DPF3: variants seen among roughly 807,000 people sequenced by gnomAD.
DPF3 encodes zinc finger protein DPF3.
DPF3 carries 18 observed loss-of-function variants against 56.8 expected under a neutral mutation model. The ratio of observed to expected loss-of-function variants is 0.32; its 90% CI spans 0.22 to 0.47. The LOEUF is 0.47. Ranked by LOEUF, DPF3 falls within the 20% of genes least tolerant of loss-of-function variation. The probability of loss-of-function intolerance (pLI) is 1.00; values close to 1 mark genes in which losing one functional copy is unlikely to be tolerated. For missense variants in DPF3, 403 were observed against 488.8 expected (o/e 0.82, Z 1.65); for synonymous variants, 188 against 180.2 (o/e 1.04, Z -0.35).
At chr14:72,681,188 C>A (rs943360629) in intron 7 of DPF3, among the ~76,000 whole-genome samples, 16 of 152,140 alleles carry the variant, frequency 1.1e-4, no homozygotes, top group Admixed American at 2.0e-4. Flanking sequence ...GAAAAAAAAT[C>A]TGCCAGGCAA....
chr14:72,626,075 G>C (rs964031941), intron 9 of DPF3, among the ~76,000 whole-genome samples: 8 of 152,118 alleles, frequency 5.3e-5, no homozygotes, highest in Non-Finnish European at 1.2e-4. Flanking sequence ...CTTCGGTATA[G>C]TTACATTATC....
At chr14:72,715,239 A>C (rs1888864670) in intron 5 of DPF3, among the ~76,000 whole-genome samples, 1 of 152,170 alleles carries the variant, frequency 6.6e-6, no homozygotes, top group South Asian at 2.1e-4. Context: ...CCCTGTGTGA[A>C]TCTCCCAGGG....
chr14:72,797,689 TC>T (rs746593994), intron 1 of DPF3, among the ~76,000 whole-genome samples: 18 of 152,176 alleles, frequency 1.2e-4, no homozygotes, highest in Non-Finnish European at 2.4e-4. Context: ...CTAGCCAACA[TC>T]CTTTTCCACA....
intron 8 of DPF3, among the ~76,000 whole-genome samples, chr14:72,663,807 C>G (rs745927046): frequency 2.0e-5 from 3 of 152,072 alleles, no homozygotes; most frequent in Non-Finnish European, 2.9e-5. Flanking sequence ...AGCTCAAAAG[C>G]AAATGAGCAG....
intron 1 of DPF3, among the ~76,000 whole-genome samples, chr14:72,880,559 T>A (rs1421403980): frequency 6.6e-6 from 1 of 152,106 alleles, no homozygotes; most frequent in East Asian, 1.9e-4. Context: ...TAGAAAGGCA[T>A]TGTTTTTTGT....
At chr14:72,781,492 C>G (rs938304065) in intron 1 of DPF3, among the ~76,000 whole-genome samples, 3 of 152,192 alleles carry the variant, frequency 2.0e-5, no homozygotes, top group African/African-American at 7.2e-5. Context: ...CCCAATAAAT[C>G]CCTTTTCCAG....
rs1236472743 is a variant in DPF3, at chr14:72,749,896, G to A, written c.301+3368C>T. Among the ~76,000 whole-genome samples, 4 of 151,406 alleles carry A rather than the reference G, an allele frequency of 2.6e-5. No individual in the cohort carries two copies. The East Asian group carries it at 7.7e-4, about 29-fold the overall frequency. Reference sequence around the variant, plus strand: ...AAAAAAAGTAAGAAAGAGAGAGAGAGGTAAAGAGAGACATGTAGCCCTCAC... The same window carrying A: ...AAAAAAAGTAAGAAAGAGAGAGAGAAGTAAAGAGAGACATGTAGCCCTCAC... On this transcript the variant is annotated intron_variant, in intron 3 of 10. Transcript: ENST00000556509.
At chr14:72,812,571 G>A (rs1009241870) in intron 1 of DPF3, among the ~76,000 whole-genome samples, 3 of 152,122 alleles carry the variant, frequency 2.0e-5, no homozygotes, top group Non-Finnish European at 2.9e-5. Flanking sequence ...CACCTGAGCT[G>A]CACCTCAGGA....
At chr14:72,816,641 G>GA (rs371902823) in intron 1 of DPF3, among the ~76,000 whole-genome samples, 1,643 of 137,956 alleles carry the variant, frequency 0.012, 21 homozygotes, top group African/African-American at 0.037. Context: ...GGCATAAATG[G>GA]AAAAAAAAAA....
chr14:72,783,847 T>C (rs1892093929), intron 1 of DPF3, among the ~76,000 whole-genome samples: 1 of 152,114 alleles, frequency 6.6e-6, no homozygotes, highest in East Asian at 1.9e-4. Context: ...AGCTGATCCG[T>C]GTCCTCCTGC....
chr14:72,778,347 C>T (rs1891835090), intron 1 of DPF3, among the ~76,000 whole-genome samples: 1 of 152,126 alleles, frequency 6.6e-6, no homozygotes, highest in South Asian at 2.1e-4. Context: ...AGCGCAAACC[C>T]TACTGTGAAC....
At chr14:72,687,298 A>AT (rs1887455518) in intron 7 of DPF3, among the ~76,000 whole-genome samples, 1 of 152,174 alleles carries the variant, frequency 6.6e-6, no homozygotes, top group South Asian at 2.1e-4. Flanking sequence ...CTGGAAATAC[A>AT]TTTTATAGAC....
intron 1 of DPF3, among the ~76,000 whole-genome samples, chr14:72,834,297 G>A (rs1166205059): frequency 6.6e-6 from 1 of 151,758 alleles, no homozygotes; most frequent in Non-Finnish European, 1.5e-5. Flanking sequence ...AGGAGTTTGA[G>A]ACCAGCCTGG....
rs550448830 is a variant in DPF3, at chr14:72,670,362, G to A, written c.871+3878C>T. ...ATAACAAAACAGCAGCTCTACTGAC[G>A]GAGGAGGAGGAGCCCAGGAGGCGGC... On this transcript the variant is annotated intron_variant, in intron 8 of 10. Transcript: ENST00000556509. 77 of 986,170 alleles carry A rather than the reference G, an allele frequency of 7.8e-5. 1 individual carries two copies. In the Middle Eastern group the frequency reaches 4.7e-3, roughly 60 times the overall value. 61.1% of individuals were successfully genotyped at this position (986,170 alleles called of 1,614,324 possible).
At chr14:72,796,449 G>C (rs577340894) in intron 1 of DPF3, among the ~76,000 whole-genome samples, 8 of 152,270 alleles carry the variant, frequency 5.3e-5, no homozygotes, top group Admixed American at 5.2e-4. Context: ...GTTACAATAA[G>C]CCAAGATCAT....
intron 1 of DPF3, among the ~76,000 whole-genome samples, chr14:72,873,466 C>T (rs1394677235): frequency 2.6e-5 from 4 of 152,224 alleles, no homozygotes; most frequent in Non-Finnish European, 5.9e-5. Context: ...CATTTTCTCA[C>T]TGTTGGTGGG....
chr14:72,876,014 A>G lies in DPF3; in HGVS notation c.32+18043T>C, dbSNP rs141063065. Among the ~76,000 whole-genome samples, 4 of 151,494 alleles carry G rather than the reference A, an allele frequency of 2.6e-5. No homozygotes were observed. In the East Asian group the frequency reaches 7.9e-4, roughly 30 times the overall value. On this transcript the variant is annotated intron_variant, in intron 1 of 10. Transcript: ENST00000556509. ...TCCTTGGATTGGATTTATATATTTT[A>G]TTTACATCATTTATTGGTTGTTGTT...
intron 8 of DPF3, among the ~76,000 whole-genome samples, chr14:72,655,580 T>G (rs1474116533): frequency 6.6e-6 from 1 of 152,210 alleles, no homozygotes; most frequent in Non-Finnish European, 1.5e-5. Flanking sequence ...CAGTTTCTTC[T>G]CACTGTCTCT....
chr14:72,620,093 C>A, intron 9 of DPF3, 109 bp from the exon 10 acceptor site: 1 of 1,176,056 alleles, frequency 8.5e-7, no homozygotes, highest in Admixed American at 2.8e-5. Flanking sequence ...CTCACTGGAT[C>A]CCCTTTCCAG....
Sources: gnomAD v4.1 joint callset for allele counts (sites outside exome capture counted in the v4.1 genomes callset) on GRCh38, gnomAD v4.1.1 for gene constraint, MANE v1.5 for transcripts, NCBI Gene and HGNC (gene_info 2026-07-23, HGNC 2026-07-21) for gene names.